Variants in TTLL8 observed in about 807,000 individuals in gnomAD.
The protein encoded by TTLL8 is tubulin tyrosine ligase like 8, also known as protein monoglycylase TTLL8.
In TTLL8, 65 loss-of-function variants were observed where a neutral mutation model predicts 77.8. That is an observed-to-expected ratio of 0.84 (90% confidence interval 0.68 to 1.03). The LOEUF is 1.03. Ranked by LOEUF, TTLL8 falls within the 50% of genes least tolerant of loss-of-function variation. The pLI, the probability that TTLL8 is intolerant of heterozygous loss-of-function variation, is 0.00. For missense variants in TTLL8, 910 were observed against 1,004.5 expected (o/e 0.91, Z 1.27); for synonymous variants, 402 against 422.8 (o/e 0.95, Z 0.60).
exon 5 of TTLL8, chr22:50,045,963 A>G: frequency 2.2e-6 from 3 of 1,354,952 alleles, no homozygotes; most frequent in Non-Finnish European, 2.9e-6. Flanking sequence ...GTTCACGCAC[A>G]GCCCGATCTC....
exon 5 of TTLL8, chr22:50,045,939 G>A (rs1482456124): frequency 1.5e-6 from 2 of 1,360,670 alleles, no homozygotes; most frequent in South Asian, 1.2e-5. Context: ...GACGTACCAG[G>A]GCAGGCTCCG....
At chr22:50,021,891 ACG>A in intron 12 of TTLL8, among the ~76,000 whole-genome samples, 2 of 107,936 alleles carry the variant, frequency 1.9e-5, no homozygotes, top group African/African-American at 6.6e-5. Context: ...TCTCCATCTG[ACG>A]TGCACTCCTC....
At chr22:50,057,279 TG>T (rs1405074013), upstream of TTLL8, among the ~76,000 whole-genome samples, 3 of 82,182 alleles carry the variant, frequency 3.7e-5, no homozygotes, top group East Asian at 3.7e-4. Flanking sequence ...GGTCTGGGCT[TG>T]GGGGTCAGGT....
At chr22:50,055,516 A>G (rs1204750687), upstream of TTLL8, among the ~76,000 whole-genome samples, 1 of 151,928 alleles carries the variant, frequency 6.6e-6, no homozygotes, top group African/African-American at 2.4e-5. Context: ...TAGCCGGGTG[A>G]TGGTAGCTCA....
upstream of TTLL8, among the ~76,000 whole-genome samples, chr22:50,055,827 G>A (rs941607185): frequency 1.3e-5 from 2 of 152,230 alleles, no homozygotes; most frequent in East Asian, 1.9e-4. Flanking sequence ...ACGTGTCAGC[G>A]GTGTGTGAAC....
At chr22:50,024,229 T>A (rs2075030382) in intron 12 of TTLL8, among the ~76,000 whole-genome samples, 1 of 152,046 alleles carries the variant, frequency 6.6e-6, no homozygotes, top group Non-Finnish European at 1.5e-5. Flanking sequence ...CTCCACCTCC[T>A]GGATTCAAGC....
intron 12 of TTLL8, among the ~76,000 whole-genome samples, chr22:50,022,313 C>T (rs2061208570): frequency 6.6e-6 from 1 of 150,524 alleles, no homozygotes; most frequent in African/African-American, 2.5e-5. Flanking sequence ...GATGCACACT[C>T]CTCCGACGAC....
Position 50,033,461 on chromosome 22 carries a change from G to C in TTLL8, c.1040-16C>G. ...CACACTATGTCTGCAAGAGGCCACC[G>C]CTCAACCCAGCATGCACAGCCACTG... On this transcript the variant is annotated splice_polypyrimidine_tract_variant and intron_variant, in intron 9 of 13. Coordinates refer to ENST00000266182, the Ensembl canonical transcript of TTLL8. 1 of 1,353,114 alleles carries C rather than the reference G, an allele frequency of 7.4e-7. No homozygotes were observed. The highest frequency in any genetic ancestry group is 1.5e-5 in the African/African-American group (1 of 67,750). 83.8% of individuals were successfully genotyped at this position (1,353,114 alleles called of 1,614,324 possible). A position where few individuals can be genotyped will look rare whatever the true frequency, so the allele number is the denominator to read the frequency against.
At chr22:50,047,135 G>A (rs745841370) in intron 4 of TTLL8, 33 bp downstream of exon 6, 290 of 1,364,966 alleles carry the variant, frequency 2.1e-4, no homozygotes, top group Non-Finnish European at 2.6e-4. Flanking sequence ...CACCCTTGCC[G>A]GCTCCCGCCA....
rs374683336 is a variant in TTLL8 at position 50,047,161 on chromosome 22, G to A, written c.393+7C>T. On this transcript the variant is annotated splice_region_variant and intron_variant, in intron 4 of 13. Transcript: ENST00000266182. ...GCTCCCGCCACGCTCAAGCGCGGCCGGCTCACCTTGGTGGTGAAGGAGGCT... is the reference window on the plus strand; with the variant it reads ...GCTCCCGCCACGCTCAAGCGCGGCCAGCTCACCTTGGTGGTGAAGGAGGCT... 2.5e-4 allele frequency: 336 copies of A among 1,367,300 alleles called. No homozygotes were observed. Among genetic ancestry groups the A allele is most frequent in the African/African-American group, 4.3e-4 (29 of 67,866 alleles). The allele number at this position is 1,367,300 out of a possible 1,614,324, so 84.7% of individuals were successfully genotyped here. A position where few individuals can be genotyped will look rare whatever the true frequency, so the allele number is the denominator to read the frequency against.
At chr22:50,047,006 G>T (rs905862342) in intron 4 of TTLL8, 162 bp downstream of exon 6, 26 of 838,492 alleles carry the variant, frequency 3.1e-5, no homozygotes, top group East Asian at 1.2e-4. Context: ...GGTGGGGTGG[G>T]CACCGAGTGA....
chr22:50,037,057 GATT>G (rs2061341926), intron 8 of TTLL8, among the ~76,000 whole-genome samples: 1 of 152,160 alleles, frequency 6.6e-6, no homozygotes, highest in Non-Finnish European at 1.5e-5. Flanking sequence ...CCTTGGAATG[GATT>G]ATCTGGGCCA....
chr22:50,032,819 T>C (rs925566010), intron 10 of TTLL8, among the ~76,000 whole-genome samples: 2 of 152,220 alleles, frequency 1.3e-5, no homozygotes, highest in Admixed American at 1.3e-4. Flanking sequence ...TGGGGGTCCA[T>C]CCACCCTGGG....
chr22:50,048,660 C>T (rs1178758318), intron 3 of TTLL8, among the ~76,000 whole-genome samples: 3 of 152,188 alleles, frequency 2.0e-5, no homozygotes, highest in Non-Finnish European at 4.4e-5. Context: ...ATGTGGGAGG[C>T]GCCTCATCAA....
chr22:50,042,825 A>T (rs748229452), intron 6 of TTLL8, among the ~76,000 whole-genome samples: 3 of 152,194 alleles, frequency 2.0e-5, no homozygotes, highest in Non-Finnish European at 2.9e-5. Context: ...TACAAACAGA[A>T]CCCTGACCAC....
At position 50,044,250 on chromosome 22, in the gene TTLL8, G is replaced by A. The variant is rs868553274; in HGVS notation, c.643+1005C>T. On this transcript the variant is annotated intron_variant, in intron 6 of 13. Transcript: ENST00000266182. The surrounding 1 kb of genome is among the most constrained non-coding windows in gnomAD (Gnocchi z 4.2). The stretch of plus-strand genomic sequence containing the variant: ...GGAGAATCGCTTGAACCCAGGAGGC[G>A]GAGGTTGCAGTGAGCCAAGATCATG... Among the ~76,000 whole-genome samples, 24 of 152,088 alleles carry A rather than the reference G, an allele frequency of 1.6e-4. No individual in the cohort carries two copies. In the South Asian group the frequency reaches 4.4e-3, roughly 28 times the overall value.
Position 50,034,087 on chromosome 22 carries a change from C to T in TTLL8, c.1039+258G>A, listed in dbSNP as rs1016606765. ...AAAAAACTAAAAAGGAAAGCATAGACCAGTTTGTGAATACAAAGGAGGAAA... is the reference window on the plus strand; with the variant it reads ...AAAAAACTAAAAAGGAAAGCATAGATCAGTTTGTGAATACAAAGGAGGAAA... On this transcript the variant is annotated intron_variant, in intron 9 of 13. Transcript: ENST00000266182. The surrounding 1 kb of genome is among the most constrained non-coding windows in gnomAD (Gnocchi z 4.1). 2.0e-4 allele frequency among the ~76,000 whole-genome samples: 30 copies of T among 152,190 alleles called. No homozygotes were observed. The highest frequency in any genetic ancestry group is 3.5e-4 in the Non-Finnish European group (24 of 68,040).
chr22:50,051,134 T>C (rs2061441724), intron 1 of TTLL8, among the ~76,000 whole-genome samples: 1 of 152,240 alleles, frequency 6.6e-6, no homozygotes, highest in African/African-American at 2.4e-5. Flanking sequence ...AGTGCTGGGA[T>C]TACAGGCGTG....
At chr22:50,021,063 CTGCACTCCTCCATCTGATGATG>C (rs1284211594) in intron 12 of TTLL8, among the ~76,000 whole-genome samples, 4 of 104,790 alleles carry the variant, frequency 3.8e-5, no homozygotes, top group South Asian at 3.9e-4. Flanking sequence ...TCCATCTGAC[CTGCACTCCTCCATCTGATGATG>C]TGCACTCCTC....
Sources: gnomAD v4.1 joint callset for allele counts (sites outside exome capture counted in the v4.1 genomes callset) on GRCh38, gnomAD v4.1.1 for gene constraint, Gnocchi (gnomAD v3.1) non-coding constraint, MANE v1.5 for transcripts, NCBI Gene and HGNC (gene_info 2026-07-23, HGNC 2026-07-21) for gene names.